Variants in ADGRL3 observed in about 807,000 individuals in gnomAD.
ADGRL3 encodes calcium-independent alpha-latrotoxin receptor 3.
In ADGRL3, 62 loss-of-function variants were observed where a neutral mutation model predicts 153.5. The ratio of observed to expected loss-of-function variants is 0.40; its 90% CI spans 0.33 to 0.50. The LOEUF is 0.50. ADGRL3 is among the 20% of genes least tolerant of loss of function. ADGRL3 has a pLI of 0.47. For missense variants in ADGRL3, 1,641 were observed against 1,859.4 expected, an observed-to-expected ratio of 0.88 and a Z score of 2.16; for synonymous variants, 710 against 672.5, an observed-to-expected ratio of 1.06 and a Z score of -0.86.
chr4:61,591,200 T>C (rs778882764), intron 5 of ADGRL3, among the ~76,000 whole-genome samples: 3 of 152,208 alleles, frequency 2.0e-5, no homozygotes, highest in East Asian at 1.9e-4. Context: ...ATACTTTTTG[T>C]CCGGCTTCTC....
chr4:61,847,588 A>ATATATATATAATATATAATATAT lies in ADGRL3; in HGVS notation c.1480+33715_1480+33737dup, dbSNP rs1194422190. ...TAGTACATTAAGTGTGTGTGTGTGTATATATATATAATATATAATATATTA... is the reference window on the plus strand; with the variant it reads ...TAGTACATTAAGTGTGTGTGTGTGTATATATATATAATATATAATATATTATATATATAATATATAATATATTA... On this transcript the variant is annotated intron_variant, in intron 9 of 26. Transcript: ENST00000683033. 6.0e-4 allele frequency among the ~76,000 whole-genome samples: 60 copies of ATATATATATAATATATAATATAT among 99,606 alleles called. 5 individuals carry two copies. Among genetic ancestry groups the ATATATATATAATATATAATATAT allele is most frequent in the East Asian group, 2.3e-3 (9 of 3,966 alleles). 65.3% of individuals were successfully genotyped at this position (99,606 alleles called of 152,430 possible). A position where few individuals can be genotyped will look rare whatever the true frequency, so the allele number is the denominator to read the frequency against.
At chr4:61,997,085 T>A (rs1206286638) in intron 20 of ADGRL3, among the ~76,000 whole-genome samples, 3 of 152,080 alleles carry the variant, frequency 2.0e-5, no homozygotes, top group Non-Finnish European at 2.9e-5. Flanking sequence ...TATTTTGGAA[T>A]CAGAAATTTT....
chr4:61,211,415 C>T (rs1333595148), intron 1 of ADGRL3, among the ~76,000 whole-genome samples: 4 of 152,178 alleles, frequency 2.6e-5, no homozygotes, highest in East Asian at 1.9e-4. Context: ...CTGTCATCAG[C>T]TTCGTGGAGG....
chr4:61,990,514 TA>T (rs1380803129), intron 19 of ADGRL3, among the ~76,000 whole-genome samples: 2 of 151,926 alleles, frequency 1.3e-5, no homozygotes, highest in Admixed American at 6.6e-5. Flanking sequence ...TTAAATATAC[TA>T]AAAACCTTGG....
intron 26 of ADGRL3, 61 bp downstream of exon 26, chr4:62,068,244 G>A: frequency 2.7e-6 from 4 of 1,459,100 alleles, no homozygotes; most frequent in Non-Finnish European, 2.8e-6. Flanking sequence ...CACTTTTATT[G>A]CATCACATAT....
At chr4:61,435,816 C>G (rs2152438794) in intron 2 of ADGRL3, among the ~76,000 whole-genome samples, 1 of 150,378 alleles carries the variant, frequency 6.6e-6, no homozygotes, top group Non-Finnish European at 1.5e-5. Flanking sequence ...AATTAGACAC[C>G]ATTATTTGGT....
intron 4 of ADGRL3, among the ~76,000 whole-genome samples, chr4:61,560,780 A>G (rs950719205): frequency 2.0e-5 from 3 of 152,042 alleles, no homozygotes; most frequent in African/African-American, 4.8e-5. Flanking sequence ...GGCCTGCTCT[A>G]TATAGATTTC....
intron 8 of ADGRL3, among the ~76,000 whole-genome samples, chr4:61,788,833 A>T (rs566129092): frequency 6.6e-6 from 1 of 152,312 alleles, no homozygotes; most frequent in Admixed American, 6.5e-5. Flanking sequence ...TAAGGAAACT[A>T]ATTAGTGCTT....
chr4:61,659,660 C>A (rs762978213), intron 5 of ADGRL3, among the ~76,000 whole-genome samples: 5 of 152,080 alleles, frequency 3.3e-5, no homozygotes, highest in Non-Finnish European at 5.9e-5. Flanking sequence ...GAAGTTAGTT[C>A]TTTTCCCAGG....
chr4:61,562,944 C>CAAAA (rs35146786), intron 4 of ADGRL3, among the ~76,000 whole-genome samples: 28 of 105,926 alleles, frequency 2.6e-4, no homozygotes, highest in African/African-American at 9.6e-4. Flanking sequence ...GACCCTGTCT[C>CAAAA]AAAAAAAAAA....
chr4:62,020,260 T>G (rs1306619467), intron 21 of ADGRL3, among the ~76,000 whole-genome samples: 1 of 152,162 alleles, frequency 6.6e-6, no homozygotes, highest in Non-Finnish European at 1.5e-5. Context: ...ATTTCTTGAC[T>G]TATTTTACTT....
chr4:61,523,505 G>A (rs2098542786), intron 4 of ADGRL3, among the ~76,000 whole-genome samples: 1 of 152,044 alleles, frequency 6.6e-6, no homozygotes, highest in Non-Finnish European at 1.5e-5. Context: ...GAGTCTAATT[G>A]ATATGCATAA....
chr4:61,429,442 G>C (rs1021804893), intron 2 of ADGRL3, among the ~76,000 whole-genome samples: 5 of 152,134 alleles, frequency 3.3e-5, no homozygotes, highest in African/African-American at 1.2e-4. Flanking sequence ...GTCTTCATCA[G>C]TATGTGAATT....
At chr4:61,372,368 C>G (rs2096544110) in intron 1 of ADGRL3, among the ~76,000 whole-genome samples, 1 of 151,930 alleles carries the variant, frequency 6.6e-6, no homozygotes, top group South Asian at 2.1e-4. Context: ...GTTTTATCTA[C>G]TTTTGGTCTT....
chr4:61,611,844 C>A (rs1475765528), intron 5 of ADGRL3, among the ~76,000 whole-genome samples: 1 of 151,908 alleles, frequency 6.6e-6, no homozygotes, highest in Non-Finnish European at 1.5e-5. Context: ...TCCCTTGAGC[C>A]CGGAATTCAA....
rs371545603 is a variant in ADGRL3 at position 61,811,738 on chromosome 4, G to A, written c.1400-2071G>A. Among the ~76,000 whole-genome samples the A allele has an allele frequency of 2.2e-4, 34 of 151,974 alleles. 2 individuals carry two copies. The South Asian group carries it at 5.4e-3, about 24-fold the overall frequency. On this transcript the variant is annotated intron_variant, in intron 8 of 26. Coordinates refer to ENST00000683033, the MANE Select transcript of ADGRL3 (RefSeq NM_001387552.1). ...GAGTAAATGTAATCGAAACTAATTCGCAATCTACCCTGCCATTTCTCTATT... is the reference window on the plus strand; with the variant it reads ...GAGTAAATGTAATCGAAACTAATTCACAATCTACCCTGCCATTTCTCTATT...
intron 11 of ADGRL3, among the ~76,000 whole-genome samples, chr4:61,905,332 T>G (rs925041666): frequency 6.6e-6 from 1 of 152,208 alleles, no homozygotes; most frequent in African/African-American, 2.4e-5. Context: ...TTTACTGTAT[T>G]ATCAGTAAGT....
chr4:61,514,314 G>A (rs369234638), intron 3 of ADGRL3, among the ~76,000 whole-genome samples: 1 of 152,116 alleles, frequency 6.6e-6, no homozygotes, highest in Non-Finnish European at 1.5e-5. Flanking sequence ...TAACTTTCTA[G>A]CATGTGAATT....
At chr4:61,561,582 A>G (rs2098795286) in intron 4 of ADGRL3, among the ~76,000 whole-genome samples, 1 of 151,946 alleles carries the variant, frequency 6.6e-6, no homozygotes, top group Non-Finnish European at 1.5e-5. Flanking sequence ...AAATTTTAGA[A>G]GATCTTAAAT....
Sources: allele counts gnomAD v4.1 joint callset (sites outside exome capture counted in the v4.1 genomes callset), GRCh38; gene constraint gnomAD v4.1.1; transcripts MANE v1.5; gene names NCBI Gene and HGNC (gene_info 2026-07-23, HGNC 2026-07-21).